SPEF2: variants seen among roughly 807,000 people sequenced by gnomAD.
SPEF2 encodes sperm flagellar and cilia associated 2.
SPEF2 carries 187 observed loss-of-function variants against 224.6 expected under a neutral mutation model. That is an observed-to-expected ratio of 0.83 (90% CI 0.74 to 0.94). SPEF2 has a LOEUF of 0.94. SPEF2 is among the 40% of genes least tolerant of loss of function. The probability of loss-of-function intolerance (pLI) is 0.00; values close to 1 mark genes in which losing one functional copy is unlikely to be tolerated. For missense variants in SPEF2, 2,170 were observed against 2,135.6 expected, an observed-to-expected ratio of 1.02 and a Z score of -0.32; for synonymous variants, 715 against 707.3, an observed-to-expected ratio of 1.01 and a Z score of -0.17.
chr5:35,705,266 A>T (rs539563910), intron 17 of SPEF2, among the ~76,000 whole-genome samples: 11 of 152,176 alleles, frequency 7.2e-5, no homozygotes, highest in Admixed American at 5.9e-4. Context: ...TTACTCAAAG[A>T]TCTCTTCAAT....
chr5:35,783,707 A>G (rs1196413688), intron 30 of SPEF2, among the ~76,000 whole-genome samples: 1 of 152,116 alleles, frequency 6.6e-6, no homozygotes, highest in Non-Finnish European at 1.5e-5. Context: ...GTGGTTTCCT[A>G]GGGAGTACAA....
rs1186730840 is a variant in SPEF2, at chr5:35,806,888, G to A, written c.5192G>A (p.Gly1731Glu). 3 of 1,614,034 alleles carry A rather than the reference G, an allele frequency of 1.9e-6. 1 individual carries two copies. The highest frequency in any genetic ancestry group is 2.2e-5 in the South Asian group (2 of 91,030). Reference sequence around the variant, plus strand: ...ACACTACTCAAAGTGTTCAAAGGGGGAAGTGAAGCACAGGACTCCAATAGA... The same window carrying A: ...ACACTACTCAAAGTGTTCAAAGGGGAAAGTGAAGCACAGGACTCCAATAGA... ...METLLKVFKG[G>E]SEAQDSNRFA... The change falls in exon 35 of 37, where the codon GGA becomes GAA. Residue 1731 changes from glycine (G) to glutamate (E), a missense_variant. Transcript: ENST00000356031.
At chr5:35,780,056 C>G (rs1270246666) in intron 30 of SPEF2, among the ~76,000 whole-genome samples, 1 of 152,168 alleles carries the variant, frequency 6.6e-6, no homozygotes, top group Non-Finnish European at 1.5e-5. Flanking sequence ...TACTGACTCA[C>G]AGAGGAGTTT....
At chr5:35,662,814 T>C (rs1382610111) in intron 8 of SPEF2, among the ~76,000 whole-genome samples, 2 of 152,174 alleles carry the variant, frequency 1.3e-5, no homozygotes, top group African/African-American at 2.4e-5. Context: ...TTGATTACTC[T>C]AGCCCTGTGT....
At chr5:35,788,030 T>C in intron 30 of SPEF2, 1 of 702,642 alleles carries the variant, frequency 1.4e-6, no homozygotes, top group South Asian at 1.5e-5. Context: ...GTTCTGCGCC[T>C]TGTGTCGTAA....
intron 4 of SPEF2, chr5:35,646,440 A>T (rs1747378841): frequency 2.7e-6 from 1 of 370,414 alleles, no homozygotes; most frequent in African/African-American, 2.1e-5. Context: ...CATTTAATAG[A>T]TATGATTTGC....
At position 35,654,646 on chromosome 5, in the gene SPEF2, G is replaced by A. The variant is rs1256302815; in HGVS notation, c.898G>A (p.Asp300Asn). The A allele has an allele frequency of 1.2e-6, 2 of 1,613,914 alleles. No individual in the cohort carries two copies. Among genetic ancestry groups the A allele is most frequent in the Non-Finnish European group, 1.7e-6 (2 of 1,179,988 alleles). ...AAAAATCCAGAAGCGCCTTGAAGAA[G>A]ATGCTTTTGCACGAGAGCAAAGGGA... ...IKKIQKRLEE[D>N]AFAREQREKR... Residue 300 changes from aspartate to asparagine, a missense_variant, in exon 7 of 37, where the codon GAT becomes AAT. Transcript: ENST00000356031.
chr5:35,696,910 C>T (rs1267805517), intron 14 of SPEF2, among the ~76,000 whole-genome samples: 1 of 152,070 alleles, frequency 6.6e-6, no homozygotes, highest in African/African-American at 2.4e-5. Flanking sequence ...GTGTTCCAGG[C>T]CATGAGAATA....
intron 15 of SPEF2, 49 bp downstream of exon 15, chr5:35,697,842 C>T (rs550275020): frequency 7.5e-7 from 1 of 1,333,794 alleles, no homozygotes; most frequent in Non-Finnish European, 1.1e-6. Context: ...TATTCTTTAT[C>T]ACACAAAGAT....
chr5:35,647,462 A>G (rs1747549290), intron 5 of SPEF2, among the ~76,000 whole-genome samples: 1 of 152,074 alleles, frequency 6.6e-6, no homozygotes, highest in African/African-American at 2.4e-5. Flanking sequence ...AGAGTGAGAG[A>G]GAAGGTGTCA....
intron 36 of SPEF2, among the ~76,000 whole-genome samples, chr5:35,808,887 T>TATA (rs1171835022): frequency 1.3e-5 from 2 of 149,882 alleles, no homozygotes; most frequent in African/African-American, 4.9e-5. Context: ...TTTACATATA[T>TATA]ATATATATAT....
At chr5:35,722,570 G>C (rs1241763989) in intron 20 of SPEF2, among the ~76,000 whole-genome samples, 1 of 76,810 alleles carries the variant, frequency 1.3e-5, no homozygotes, top group Admixed American at 1.4e-4. Flanking sequence ...TGCCATGCTG[G>C]TGCGCTGCAC....
At chr5:35,655,246 C>T (rs534909858) in intron 7 of SPEF2, among the ~76,000 whole-genome samples, 1 of 152,286 alleles carries the variant, frequency 6.6e-6, no homozygotes, top group South Asian at 2.1e-4. Context: ...AGACCTGAAA[C>T]TCTGGGGGTG....
intron 7 of SPEF2, 91 bp from the exon 8 acceptor site, chr5:35,658,928 A>T: frequency 1.1e-6 from 1 of 935,014 alleles, no homozygotes; most frequent in African/African-American, 1.7e-5. Flanking sequence ...GATGAACATT[A>T]TGCCTTTTGT....
At chr5:35,808,739 TAC>T (rs1333983938) in intron 36 of SPEF2, among the ~76,000 whole-genome samples, 1 of 148,348 alleles carries the variant, frequency 6.7e-6, no homozygotes, top group African/African-American at 2.5e-5. Flanking sequence ...TGTATATATA[TAC>T]ACACATATAT....
chr5:35,680,124 C>T (rs1752580881), intron 10 of SPEF2, among the ~76,000 whole-genome samples: 1 of 152,178 alleles, frequency 6.6e-6, no homozygotes. Flanking sequence ...TCTTTCCTCC[C>T]TGTTAAGTCT....
chr5:35,716,640 A>G (rs1742638985), intron 20 of SPEF2, among the ~76,000 whole-genome samples: 1 of 152,184 alleles, frequency 6.6e-6, no homozygotes, highest in African/African-American at 2.4e-5. Context: ...ATTGCATTAA[A>G]TAATATTTGA....
At chr5:35,679,700 C>T (rs1752522942) in intron 10 of SPEF2, among the ~76,000 whole-genome samples, 2 of 152,200 alleles carry the variant, frequency 1.3e-5, no homozygotes, top group Non-Finnish European at 2.9e-5. Flanking sequence ...CTGCTCTTCC[C>T]CACTCCAGGA....
intron 16 of SPEF2, among the ~76,000 whole-genome samples, chr5:35,703,186 C>A (rs1739037963): frequency 6.6e-6 from 1 of 150,506 alleles, no homozygotes; most frequent in African/African-American, 2.4e-5. Flanking sequence ...TTTTTTTTAG[C>A]TAGGGAATTA....
Sources: allele counts gnomAD v4.1 joint callset (sites outside exome capture counted in the v4.1 genomes callset), GRCh38; gene constraint gnomAD v4.1.1; transcripts MANE v1.5; gene names NCBI Gene and HGNC (gene_info 2026-07-23, HGNC 2026-07-21).